The following KLF7 variants were observed in gnomAD, a reference collection of about 807,000 sequenced individuals.
KLF7 encodes the protein KLF transcription factor 7, also known as Krueppel-like factor 7.
A neutral mutation model predicts 27.3 loss-of-function variants in KLF7; 2 were observed. That is an observed-to-expected ratio of 0.07 (90% CI 0.03 to 0.23). The LOEUF is 0.23. Ranked by LOEUF, KLF7 falls within the 10% of genes least tolerant of loss-of-function variation. The pLI, the probability that KLF7 is intolerant of heterozygous loss-of-function variation, is 1.00. For synonymous variants in KLF7, 165 were observed against 162.4 expected, an observed-to-expected ratio of 1.02 and a Z score of -0.12; for missense variants, 221 against 394.1, an observed-to-expected ratio of 0.56 and a Z score of 3.72.
Position 207,081,166 on chromosome 2 carries a change from C to G in KLF7, c.*47G>C. 1 of 1,577,690 alleles carries G rather than the reference C, an allele frequency of 6.3e-7. No homozygotes were observed. Among genetic ancestry groups the G allele is most frequent in the South Asian group, 1.1e-5 (1 of 90,330 alleles). On this transcript the variant is annotated 3_prime_UTR_variant, in exon 4 of 4. Coordinates refer to ENST00000309446, the MANE Select transcript of KLF7 (RefSeq NM_003709.4). The stretch of plus-strand genomic sequence containing the variant: ...TCCAGCCCCCTGCCTCATGGCGTTT[C>G]CTTTAGACACTAGCCGATGCCATGG...
At chr2:207,156,475 G>A (rs2078386704) in intron 1 of KLF7, among the ~76,000 whole-genome samples, 1 of 152,228 alleles carries the variant, frequency 6.6e-6, no homozygotes, top group African/African-American at 2.4e-5. Flanking sequence ...TCATCCAACA[G>A]ATGTACATGC....
chr2:207,137,246 G>C (rs1173561784), intron 1 of KLF7, among the ~76,000 whole-genome samples: 1 of 152,116 alleles, frequency 6.6e-6, no homozygotes, highest in East Asian at 1.9e-4. Context: ...AGGGTCACAG[G>C]AATTCATTCC....
intron 1 of KLF7, among the ~76,000 whole-genome samples, chr2:207,144,478 A>C (rs370005208): frequency 3.7e-4 from 56 of 152,218 alleles, no homozygotes; most frequent in African/African-American, 1.3e-3. Flanking sequence ...CACCAACCCT[A>C]TCCTTGTGTT....
At chr2:207,173,056 G>A in the KLF7 span, among the ~76,000 whole-genome samples, 26 of 151,788 alleles carry the variant, frequency 1.7e-4, no homozygotes, top group Admixed American at 4.6e-4. Context: ...GGGTTGTGTC[G>A]TAGAAAATGT....
At chr2:207,164,602 C>A (rs2078645705) in intron 1 of KLF7, among the ~76,000 whole-genome samples, 1 of 152,196 alleles carries the variant, frequency 6.6e-6, no homozygotes, top group South Asian at 2.1e-4. Context: ...GAACTTGTCA[C>A]CAGCCCCACT....
intron 1 of KLF7, among the ~76,000 whole-genome samples, chr2:207,131,582 T>C (rs1441849973): frequency 1.3e-5 from 2 of 152,230 alleles, no homozygotes; most frequent in East Asian, 3.9e-4. Context: ...CGTGTTTACA[T>C]ATCACTTTTT....
intron 1 of KLF7, 21 bp from the exon 2 acceptor site, chr2:207,124,425 G>GA: frequency 6.5e-7 from 1 of 1,535,332 alleles, no homozygotes; most frequent in South Asian, 1.3e-5. Context: ...AAGAAGGAGG[G>GA]AGAGAAACAG....
intron 1 of KLF7, among the ~76,000 whole-genome samples, chr2:207,131,337 C>T (rs1029259594): frequency 6.6e-6 from 1 of 152,184 alleles, no homozygotes; most frequent in Non-Finnish European, 1.5e-5. Context: ...ATGCTATTAA[C>T]CATGGTGTCA....
rs74465008 is a variant in KLF7 at position 207,080,852 on chromosome 2, C to A, written c.*361G>T. 2.4e-6 allele frequency: 1 copy of A among 415,476 alleles called. No individual in the cohort carries two copies. Among genetic ancestry groups the A allele is most frequent in the Non-Finnish European group, 4.2e-6 (1 of 235,716 alleles). 25.7% of individuals were successfully genotyped at this position (415,476 alleles called of 1,614,324 possible). ...CCGTCCACCTGCACAGACGTCACAT[C>A]CATTTTCTTTGATTTCCATTGGCAA... On this transcript the variant is annotated 3_prime_UTR_variant, in exon 4 of 4. Coordinates refer to ENST00000309446, the MANE Select transcript of KLF7 (RefSeq NM_003709.4).
chr2:207,094,338 T>A (rs2076578389), intron 2 of KLF7, among the ~76,000 whole-genome samples: 1 of 152,234 alleles, frequency 6.6e-6, no homozygotes, highest in African/African-American at 2.4e-5. Flanking sequence ...AAGACTAATT[T>A]TACCTGTTTC....
chr2:207,139,551 T>C (rs1355717105), intron 1 of KLF7, among the ~76,000 whole-genome samples: 1 of 151,962 alleles, frequency 6.6e-6, no homozygotes, highest in African/African-American at 2.4e-5. Flanking sequence ...ATTCTAAAAA[T>C]CCAACAAACC....
At chr2:207,165,970 T>C, upstream of KLF7, 2 of 1,005,992 alleles carry the variant, frequency 2.0e-6, no homozygotes, top group Non-Finnish European at 2.4e-6. Context: ...CAATCTTTGC[T>C]CTTTATTTTG....
chr2:207,092,693 C>T (rs959037550), intron 2 of KLF7, among the ~76,000 whole-genome samples: 1 of 152,164 alleles, frequency 6.6e-6, no homozygotes, highest in African/African-American at 2.4e-5. Context: ...CTTACAGGGT[C>T]ACTCTCCCTA....
intron 2 of KLF7, among the ~76,000 whole-genome samples, chr2:207,110,444 CA>C (rs1301638027): frequency 2.0e-5 from 3 of 152,208 alleles, no homozygotes; most frequent in Non-Finnish European, 4.4e-5. Flanking sequence ...CCACTGTACC[CA>C]GGGGGAGAAT....
intron 2 of KLF7, among the ~76,000 whole-genome samples, chr2:207,117,622 C>T (rs1268020394): frequency 6.6e-6 from 1 of 152,120 alleles, no homozygotes; most frequent in Non-Finnish European, 1.5e-5. Context: ...TCAAAGAATT[C>T]TTATCTATGG....
In KLF7 at chr2:207,074,766, C is replaced by T. The variant is rs1443986736; in HGVS notation, c.*6447G>A. 1 of 152,178 alleles carries T rather than the reference C, an allele frequency of 6.6e-6. No homozygotes were observed. Among genetic ancestry groups the T allele is most frequent in the Non-Finnish European group, 1.5e-5 (1 of 68,018 alleles). The allele number at this position is 152,178 out of a possible 1,614,324, so 9.4% of individuals were successfully genotyped here. On this transcript the variant is annotated 3_prime_UTR_variant, in exon 4 of 4. Transcript: ENST00000309446. ...ACCGCTTTCAATAAGCCTCTCCCAA[C>T]CCCCTAAACAAATAACATCTTGTAA...
chr2:207,150,997 TAA>T (rs34218929), intron 1 of KLF7, among the ~76,000 whole-genome samples: 1 of 90,334 alleles, frequency 1.1e-5, no homozygotes, highest in African/African-American at 4.3e-5. Context: ...TTCTCTTTAT[TAA>T]AAAAAAAAAA....
rs1384113694 is a variant in KLF7 at position 207,076,894 on chromosome 2, A to G, written c.*4319T>C. 6.6e-6 allele frequency: 1 copy of G among 152,218 alleles called. No individual in the cohort carries two copies. Among genetic ancestry groups the G allele is most frequent in the African/African-American group, 2.4e-5 (1 of 41,460 alleles). The allele number at this position is 152,218 out of a possible 1,614,324, so 9.4% of individuals were successfully genotyped here. A position where few individuals can be genotyped will look rare whatever the true frequency, so the allele number is the denominator to read the frequency against. On this transcript the variant is annotated 3_prime_UTR_variant, in exon 4 of 4. Transcript: ENST00000309446. ...AGTAAATTTCAATCAGGTTCTATTTACTGAATGTTCATTTTGGCAATGTTC... is the reference window on the plus strand; with the variant it reads ...AGTAAATTTCAATCAGGTTCTATTTGCTGAATGTTCATTTTGGCAATGTTC...
rs3216675 is a variant in KLF7, at chr2:207,135,819, GAAA to G, written c.103-11418_103-11416del. 8.6e-3 allele frequency among the ~76,000 whole-genome samples: 1,250 copies of G among 145,290 alleles called. 10 individuals carry two copies. Among genetic ancestry groups the G allele is most frequent in the Non-Finnish European group, 0.013 (858 of 65,798 alleles). ...ACTTGTCTCTAACGTTTTTCATTTG[GAAA>G]AAAAAAAAATTAAATGCTTACTGTC... On this transcript the variant is annotated intron_variant, in intron 1 of 3. Coordinates refer to ENST00000309446, the MANE Select transcript of KLF7 (RefSeq NM_003709.4).
Sources: allele counts gnomAD v4.1 joint callset (sites outside exome capture counted in the v4.1 genomes callset), GRCh38; gene constraint gnomAD v4.1.1; transcripts MANE v1.5; gene names NCBI Gene and HGNC (gene_info 2026-07-23, HGNC 2026-07-21).